The following VPS13B variants were observed in gnomAD, a reference collection of about 807,000 sequenced individuals.
VPS13B encodes the protein intermembrane lipid transfer protein VPS13B.
In VPS13B, 285 loss-of-function variants were observed where a neutral mutation model predicts 426.4. That is an observed-to-expected ratio of 0.67 (90% CI 0.61 to 0.74). The LOEUF is 0.74. VPS13B is among the 30% of genes least tolerant of loss of function. VPS13B has a pLI of 0.00. For missense variants in VPS13B, 4,537 were observed against 4,782.6 expected (o/e 0.95, Z 1.51); for synonymous variants, 1,676 against 1,676.4 (o/e 1.00, Z 0.01).
intron 17 of VPS13B, among the ~76,000 whole-genome samples, chr8:99,238,183 C>G (rs961067288): frequency 2.2e-4 from 33 of 152,050 alleles, no homozygotes; most frequent in African/African-American, 8.0e-4. Flanking sequence ...TATACTTCCA[C>G]TGTCATAGTA....
intron 16 of VPS13B, among the ~76,000 whole-genome samples, chr8:99,187,224 C>T (rs191643364): frequency 4.9e-4 from 74 of 150,864 alleles, no homozygotes; most frequent in Non-Finnish European, 7.2e-4. Context: ...GGTGCAGGGG[C>T]GGGGGGCGGT....
intron 15 of VPS13B, among the ~76,000 whole-genome samples, chr8:99,168,056 AAGAG>A (rs1812113486): frequency 6.6e-6 from 1 of 152,146 alleles, no homozygotes; most frequent in Non-Finnish European, 1.5e-5. Flanking sequence ...TGTAATTTAA[AAGAG>A]AGAGTTTAAA....
intron 21 of VPS13B, among the ~76,000 whole-genome samples, chr8:99,422,507 G>A (rs540487360): frequency 3.3e-5 from 5 of 152,078 alleles, no homozygotes; most frequent in African/African-American, 7.2e-5. Context: ...AATTTTGACC[G>A]TGAGGCTTTT....
intron 5 of VPS13B, among the ~76,000 whole-genome samples, chr8:99,105,851 C>T (rs1321886064): frequency 6.6e-6 from 1 of 152,048 alleles, no homozygotes; most frequent in African/African-American, 2.4e-5. Context: ...ACAGTGCAAA[C>T]TTGGGTGAGT....
chr8:99,103,215 A>G, intron 5 of VPS13B, 95 bp downstream of exon 5: 2 of 1,414,134 alleles, frequency 1.4e-6, no homozygotes, highest in Non-Finnish European at 2.0e-6. Flanking sequence ...TTGCTGGTAA[A>G]TGTTATCAAA....
rs796102171 is a variant in VPS13B, at chr8:99,594,540, G to A, written c.5220+16907G>A. 2.1e-4 allele frequency among the ~76,000 whole-genome samples: 32 copies of A among 151,920 alleles called. 1 individual carries two copies. Among genetic ancestry groups the A allele is most frequent in the African/African-American group, 7.5e-4 (31 of 41,452 alleles). ...ATATCTTGCCCAAGATCCTTCTCCT[G>A]TTTGCTTGATTATAGAGCATATATG... On this transcript the variant is annotated intron_variant, in intron 33 of 61. Transcript: ENST00000357162.
At chr8:99,113,347 CT>C (rs1847472663) in intron 6 of VPS13B, among the ~76,000 whole-genome samples, 1 of 152,202 alleles carries the variant, frequency 6.6e-6, no homozygotes, top group Non-Finnish European at 1.5e-5. Context: ...AAGTAATTCT[CT>C]TGTCTAGGCC....
chr8:99,329,919 TTC>T (rs1401055150), intron 19 of VPS13B, among the ~76,000 whole-genome samples: 1 of 152,012 alleles, frequency 6.6e-6, no homozygotes, highest in East Asian at 1.9e-4. Flanking sequence ...TTGTTGGATA[TTC>T]TGTAGTATCC....
chr8:99,363,199 T>TG (rs1437413988), intron 19 of VPS13B, among the ~76,000 whole-genome samples: 1 of 152,162 alleles, frequency 6.6e-6, no homozygotes, highest in Admixed American at 6.5e-5. Context: ...GATAGAGGGA[T>TG]GGGGTCTAGT....
intron 3 of VPS13B, among the ~76,000 whole-genome samples, chr8:99,088,782 T>C (rs751376219): frequency 2.0e-5 from 3 of 152,252 alleles, no homozygotes; most frequent in Non-Finnish European, 2.9e-5. Context: ...TAATAGGCCC[T>C]CTGCCATTTG....
At chr8:99,272,173 A>G (rs889920980) in intron 17 of VPS13B, among the ~76,000 whole-genome samples, 2 of 152,194 alleles carry the variant, frequency 1.3e-5, no homozygotes, top group African/African-American at 4.8e-5. Context: ...ATACATAGTT[A>G]AAGAAGCTTC....
intron 43 of VPS13B, among the ~76,000 whole-genome samples, chr8:99,807,396 T>C (rs1282183389): frequency 6.6e-6 from 1 of 151,952 alleles, no homozygotes; most frequent in Non-Finnish European, 1.5e-5. Flanking sequence ...GTAGCTGAGC[T>C]TGATCTTAAG....
intron 5 of VPS13B, among the ~76,000 whole-genome samples, chr8:99,110,850 AAT>A (rs1317575414): frequency 1.3e-5 from 2 of 151,942 alleles, no homozygotes; most frequent in African/African-American, 2.4e-5. Context: ...GGGGCAAACT[AAT>A]TAGGTCTCTG....
chr8:99,775,595 T>G (rs1811701342), intron 40 of VPS13B, among the ~76,000 whole-genome samples: 1 of 152,168 alleles, frequency 6.6e-6, no homozygotes, highest in South Asian at 2.1e-4. Flanking sequence ...CTATTCACTT[T>G]AATCAGATTT....
chr8:99,728,284 C>T (rs537935238), intron 39 of VPS13B, among the ~76,000 whole-genome samples: 1 of 152,190 alleles, frequency 6.6e-6, no homozygotes, highest in South Asian at 2.1e-4. Flanking sequence ...TCATTAAATG[C>T]CCCTCCCAGC....
intron 8 of VPS13B, among the ~76,000 whole-genome samples, chr8:99,124,917 A>C (rs144392703): frequency 6.7e-6 from 1 of 148,950 alleles, no homozygotes; most frequent in African/African-American, 2.5e-5. Flanking sequence ...TGAAGTTCTG[A>C]TGCATGCTAA....
intron 40 of VPS13B, among the ~76,000 whole-genome samples, chr8:99,770,045 G>A (rs1408104708): frequency 6.6e-6 from 1 of 152,048 alleles, no homozygotes; most frequent in Non-Finnish European, 1.5e-5. Context: ...TGTAGTCCCA[G>A]CTGATCAGGA....
intron 8 of VPS13B, among the ~76,000 whole-genome samples, chr8:99,131,245 C>T (rs543825128): frequency 1.7e-4 from 26 of 152,248 alleles, no homozygotes; most frequent in South Asian, 4.1e-4. Flanking sequence ...TTTGTCAAAA[C>T]TAAGAAGGCT....
chr8:99,633,016 C>G (rs1324405766), intron 33 of VPS13B, among the ~76,000 whole-genome samples: 2 of 151,902 alleles, frequency 1.3e-5, no homozygotes, highest in Non-Finnish European at 2.9e-5. Flanking sequence ...TTCTATCTGG[C>G]AATGAAAACC....
Sources: allele counts gnomAD v4.1 joint callset (sites outside exome capture counted in the v4.1 genomes callset), GRCh38; gene constraint gnomAD v4.1.1; transcripts MANE v1.5; gene names NCBI Gene and HGNC (gene_info 2026-07-23, HGNC 2026-07-21).